The following XIRP2 variants were observed in gnomAD, a reference collection of about 807,000 sequenced individuals.
XIRP2 encodes the protein xin actin binding repeat containing 2.
A neutral mutation model predicts 277.0 loss-of-function variants in XIRP2; 236 were observed. The observed-to-expected ratio is 0.85, with a 90% confidence interval of 0.77 to 0.95. The LOEUF is 0.95. XIRP2 is among the 40% of genes least tolerant of loss of function. The pLI, the probability that XIRP2 is intolerant of heterozygous loss-of-function variation, is 0.00. For missense variants in XIRP2, 4,640 were observed against 4,157.5 expected (o/e 1.12, Z -3.19); for synonymous variants, 1,490 against 1,416.5 (o/e 1.05, Z -1.17).
At chr2:167,253,889 CAGAG>C in intron 9 of XIRP2, 139 bp from the exon 10 acceptor site, 1 of 902,804 alleles carries the variant, frequency 1.1e-6, no homozygotes, top group Non-Finnish European at 1.6e-6. Flanking sequence ...AGTCTCTGTC[CAGAG>C]AAACATCATA....
At chr2:167,085,085 T>C (rs887582201) in intron 2 of XIRP2, among the ~76,000 whole-genome samples, 12 of 139,974 alleles carry the variant, frequency 8.6e-5, no homozygotes, top group Non-Finnish European at 1.6e-4. Context: ...CATTTAGTGC[T>C]ATAAATTTCC....
intron 2 of XIRP2, among the ~76,000 whole-genome samples, chr2:167,010,664 A>G (rs1687651339): frequency 6.6e-6 from 1 of 152,146 alleles, no homozygotes; most frequent in African/African-American, 2.4e-5. Context: ...CTTGGGCAGT[A>G]TGGCCATTTT....
intron 2 of XIRP2, among the ~76,000 whole-genome samples, chr2:167,114,496 C>T (rs1690840716): frequency 6.6e-6 from 1 of 151,860 alleles, no homozygotes; most frequent in South Asian, 2.1e-4. Context: ...GCACAATGTG[C>T]AGGTTAGTTA....
intron 3 of XIRP2, among the ~76,000 whole-genome samples, chr2:167,181,360 A>T (rs1304644891): frequency 2.0e-5 from 3 of 152,126 alleles, no homozygotes; most frequent in Admixed American, 6.6e-5. Flanking sequence ...GTCATCCAAA[A>T]CTGTGATTCA....
chr2:167,086,390 T>C (rs1423401202), intron 2 of XIRP2, among the ~76,000 whole-genome samples: 3 of 152,202 alleles, frequency 2.0e-5, no homozygotes, highest in Non-Finnish European at 2.9e-5. Flanking sequence ...TTCCTTCATT[T>C]CGACTTTGGT....
At chr2:167,028,715 C>T (rs1032643761) in intron 2 of XIRP2, among the ~76,000 whole-genome samples, 8 of 151,518 alleles carry the variant, frequency 5.3e-5, no homozygotes, top group African/African-American at 1.9e-4. Flanking sequence ...ACCAAATGAG[C>T]TAAATAAGGC....
At chr2:167,223,069 C>T (rs1694478383) in intron 5 of XIRP2, among the ~76,000 whole-genome samples, 1 of 152,142 alleles carries the variant, frequency 6.6e-6, no homozygotes, top group Non-Finnish European at 1.5e-5. Context: ...TTTGTGGCCA[C>T]ATTCTCACAC....
At chr2:167,152,254 C>G (rs1013265680) in intron 3 of XIRP2, among the ~76,000 whole-genome samples, 4 of 152,036 alleles carry the variant, frequency 2.6e-5, no homozygotes, top group Admixed American at 2.0e-4. Context: ...TGTATCCGCC[C>G]CATACCAAAA....
rs1686803818 is a variant in XIRP2 at position 166,979,407 on chromosome 2, C to CA, written c.408+75519dup. 2.2e-5 allele frequency among the ~76,000 whole-genome samples: 3 copies of CA among 134,444 alleles called. No homozygotes were observed. The South Asian group carries it at 7.0e-4, about 32-fold the overall frequency. The allele number at this position is 134,444 out of a possible 152,430, so 88.2% of individuals were successfully genotyped here. A position where few individuals can be genotyped will look rare whatever the true frequency, so the allele number is the denominator to read the frequency against. On this transcript the variant is annotated intron_variant, in intron 2 of 10. Transcript: ENST00000409195. ...TTTTTTGCTTCAGTAGCTAAGGCCTCAAGTATAATTGTTACTGGCCTGGTA... is the reference window on the plus strand; with the variant it reads ...TTTTTTGCTTCAGTAGCTAAGGCCTCAAAGTATAATTGTTACTGGCCTGGTA...
chr2:167,183,561 T>C (rs1693076428), intron 3 of XIRP2, among the ~76,000 whole-genome samples: 1 of 152,204 alleles, frequency 6.6e-6, no homozygotes, highest in Non-Finnish European at 1.5e-5. Flanking sequence ...TTTCTGGTAT[T>C]GTATTTCTCA....
At chr2:167,240,634 A>G (rs372553330) in intron 6 of XIRP2, 30 bp from the exon 7 acceptor site, 9 of 1,599,274 alleles carry the variant, frequency 5.6e-6, no homozygotes, top group Non-Finnish European at 7.7e-6. Flanking sequence ...TCTTAAAAAC[A>G]ATTTATTTTC....
At position 167,248,463 on chromosome 2, in the gene XIRP2, A is replaced by G. The variant is rs376673749; in HGVS notation, c.7071A>G (p.Arg2357=). ...PPPPVDEKSE[R]ESSSMFLPPP... Reference sequence around the variant, plus strand: ...CTCCAGTAGATGAGAAATCTGAAAGAGAAAGTTCATCGATGTTTCTGCCGC... The same window carrying G: ...CTCCAGTAGATGAGAAATCTGAAAGGGAAAGTTCATCGATGTTTCTGCCGC... The change falls in exon 9 of 11, where the codon AGA becomes AGG. Residue 2357 remains arginine, a synonymous_variant. Coordinates refer to ENST00000409195, the MANE Select transcript of XIRP2 (RefSeq NM_152381.6). The G allele has an allele frequency of 6.2e-6, 10 of 1,613,538 alleles. No homozygotes were observed. The African/African-American group carries it at 1.3e-4, about 22-fold the overall frequency.
intron 2 of XIRP2, among the ~76,000 whole-genome samples, chr2:166,913,534 C>A (rs1684777738): frequency 6.6e-6 from 1 of 152,106 alleles, no homozygotes; most frequent in South Asian, 2.1e-4. Flanking sequence ...CTTGGAACCG[C>A]CCCAGGTCAT....
At chr2:166,914,356 T>G (rs148006899) in intron 2 of XIRP2, among the ~76,000 whole-genome samples, 2 of 152,198 alleles carry the variant, frequency 1.3e-5, no homozygotes, top group Non-Finnish European at 2.9e-5. Flanking sequence ...TGTTTTGTTT[T>G]TTGAGATGGA....
chr2:167,087,477 G>C (rs892701466), intron 2 of XIRP2, among the ~76,000 whole-genome samples: 2 of 152,194 alleles, frequency 1.3e-5, no homozygotes, highest in Non-Finnish European at 2.9e-5. Context: ...CACCCAGTTC[G>C]AGCTTCCCGG....
intron 2 of XIRP2, among the ~76,000 whole-genome samples, chr2:167,089,178 T>C (rs751694579): frequency 2.4e-4 from 35 of 148,272 alleles, no homozygotes; most frequent in Non-Finnish European, 4.2e-4. Context: ...AGTTCCAGCA[T>C]CACATGTAGA....
chr2:166,987,975 T>C (rs1330464984), intron 2 of XIRP2, among the ~76,000 whole-genome samples: 5 of 152,112 alleles, frequency 3.3e-5, no homozygotes, highest in African/African-American at 1.2e-4. Flanking sequence ...GAATGCACAA[T>C]GGAAATATAA....
chr2:167,201,194 GAAAGAAAGAAAGAA>G (rs1693681756), intron 3 of XIRP2, among the ~76,000 whole-genome samples: 119 of 15,612 alleles, frequency 7.6e-3, no homozygotes, highest in Admixed American at 0.014. Flanking sequence ...GAGAGAGAAA[GAAAGAAAGAAAGAA>G]AGAAAGAAAG....
At chr2:166,890,589 A>G (rs1684077525) in intron 1 of XIRP2, among the ~76,000 whole-genome samples, 2 of 152,126 alleles carry the variant, frequency 1.3e-5, no homozygotes, top group African/African-American at 2.4e-5. Flanking sequence ...TTTTATTTTT[A>G]TTATTCACAC....
Sources: gnomAD v4.1 joint callset for allele counts (sites outside exome capture counted in the v4.1 genomes callset) on GRCh38, gnomAD v4.1.1 for gene constraint, MANE v1.5 for transcripts, NCBI Gene and HGNC (gene_info 2026-07-23, HGNC 2026-07-21) for gene names.